Variants in SGIP1 observed in about 807,000 individuals in gnomAD.
SGIP1 encodes the protein SH3GL interacting endocytic adaptor 1.
A neutral mutation model predicts 107.5 loss-of-function variants in SGIP1; 38 were observed. The observed-to-expected ratio is 0.35, with a 90% confidence interval of 0.27 to 0.46. The LOEUF is 0.46. SGIP1 is among the 20% of genes least tolerant of loss of function. The probability of loss-of-function intolerance (pLI) is 1.00; values close to 1 mark genes in which losing one functional copy is unlikely to be tolerated. For synonymous variants in SGIP1, 365 were observed against 366.1 expected (o/e 1.00, Z 0.03); for missense variants, 929 against 1,019.5 (o/e 0.91, Z 1.21).
intron 1 of SGIP1, among the ~76,000 whole-genome samples, chr1:66,549,850 A>C (rs2057125718): frequency 6.6e-6 from 1 of 152,066 alleles, no homozygotes; most frequent in African/African-American, 2.4e-5. Context: ...CCATCTATAC[A>C]CTGACTCCCC....
chr1:66,583,067 T>A (rs1416736208), intron 1 of SGIP1, among the ~76,000 whole-genome samples: 1 of 152,108 alleles, frequency 6.6e-6, no homozygotes, highest in African/African-American at 2.4e-5. Flanking sequence ...AATTGATTGA[T>A]AAATATCTGA....
intron 1 of SGIP1, among the ~76,000 whole-genome samples, chr1:66,615,350 C>G (rs2069002040): frequency 6.6e-6 from 1 of 152,108 alleles, no homozygotes; most frequent in African/African-American, 2.4e-5. Context: ...CCAAACTGTT[C>G]TCGAACTCCT....
intron 4 of SGIP1, among the ~76,000 whole-genome samples, chr1:66,637,220 T>C (rs1020250708): frequency 3.9e-5 from 6 of 152,164 alleles, no homozygotes; most frequent in African/African-American, 1.4e-4. Flanking sequence ...AGTTTTCCAT[T>C]TGAAAATCAA....
chr1:66,619,849 T>C (rs749921031), intron 1 of SGIP1, among the ~76,000 whole-genome samples: 9 of 152,224 alleles, frequency 5.9e-5, no homozygotes, highest in Non-Finnish European at 1.2e-4. Flanking sequence ...AGAAACAGTC[T>C]TCATTTGTAT....
chr1:66,583,006 A>G (rs2062029012), intron 1 of SGIP1, among the ~76,000 whole-genome samples: 1 of 152,008 alleles, frequency 6.6e-6, no homozygotes, highest in Non-Finnish European at 1.5e-5. Flanking sequence ...TTTATTTCAC[A>G]CATATTTATA....
intron 1 of SGIP1, among the ~76,000 whole-genome samples, chr1:66,551,656 C>A (rs2057430237): frequency 6.6e-6 from 1 of 152,070 alleles, no homozygotes; most frequent in African/African-American, 2.4e-5. Flanking sequence ...TATTTATAGA[C>A]CTGAAATTGA....
intron 20 of SGIP1, among the ~76,000 whole-genome samples, chr1:66,733,473 C>T (rs6679379): frequency 0.27 from 40,679 of 151,956 alleles, 5,586 homozygotes; most frequent in South Asian, 0.31. Flanking sequence ...TTTAAAGCTC[C>T]CAATTATCAT....
At chr1:66,670,496 A>G (rs892028075) in intron 9 of SGIP1, among the ~76,000 whole-genome samples, 1 of 152,208 alleles carries the variant, frequency 6.6e-6, no homozygotes, top group Non-Finnish European at 1.5e-5. Context: ...AGATAGTTCA[A>G]GTTTCCCCTG....
chr1:66,714,040 C>A (rs557185982), intron 18 of SGIP1, among the ~76,000 whole-genome samples: 1 of 152,248 alleles, frequency 6.6e-6, no homozygotes, highest in African/African-American at 2.4e-5. Context: ...AGAACCAACT[C>A]TAATTCAACA....
intron 1 of SGIP1, among the ~76,000 whole-genome samples, chr1:66,553,674 C>T (rs981194284): frequency 2.1e-5 from 2 of 95,092 alleles, no homozygotes; most frequent in Admixed American, 1.2e-4. Context: ...AGACTCCAGT[C>T]AAAAAAAAAA....
In SGIP1 at chr1:66,749,467, T is replaced by C. The variant is rs1278426171; in HGVS notation, c.*6372T>C. Among the ~76,000 whole-genome samples, 1 of 151,822 alleles carries C rather than the reference T, an allele frequency of 6.6e-6. No homozygotes were observed. The highest frequency in any genetic ancestry group is 1.5e-5 in the Non-Finnish European group (1 of 67,882). On this transcript the variant is annotated 3_prime_UTR_variant, in exon 25 of 25. Coordinates refer to ENST00000371037, the MANE Select transcript of SGIP1 (RefSeq NM_032291.4). Reference sequence around the variant, plus strand: ...GTTTTTTTTTTGCTGTTTTTTTTTCTTTTTTTGCTTTGCTTTACTTTGCCA... The same window carrying C: ...GTTTTTTTTTTGCTGTTTTTTTTTCCTTTTTTGCTTTGCTTTACTTTGCCA...
At chr1:66,692,836 A>G (rs1192086835) in intron 17 of SGIP1, among the ~76,000 whole-genome samples, 1 of 152,190 alleles carries the variant, frequency 6.6e-6, no homozygotes, top group East Asian at 1.9e-4. Flanking sequence ...CCCCTAAATG[A>G]CTTTGGATAT....
chr1:66,615,057 G>A (rs184522536), intron 1 of SGIP1, among the ~76,000 whole-genome samples: 148 of 152,122 alleles, frequency 9.7e-4, no homozygotes, highest in Non-Finnish European at 1.8e-3. Context: ...CTGACCTCAG[G>A]TGATCCACCC....
chr1:66,550,229 AT>A (rs1413595923), intron 1 of SGIP1, among the ~76,000 whole-genome samples: 1 of 151,982 alleles, frequency 6.6e-6, no homozygotes, highest in Non-Finnish European at 1.5e-5. Flanking sequence ...TTTATTTTTT[AT>A]TTTTTATATT....
At chr1:66,714,671 A>G (rs1572164985) in intron 18 of SGIP1, among the ~76,000 whole-genome samples, 1 of 152,248 alleles carries the variant, frequency 6.6e-6, no homozygotes, top group Non-Finnish European at 1.5e-5. Flanking sequence ...ATCTTAAAAC[A>G]CAGACATTAT....
intron 7 of SGIP1, among the ~76,000 whole-genome samples, chr1:66,658,557 A>G (rs2080246547): frequency 6.6e-6 from 1 of 152,198 alleles, no homozygotes; most frequent in African/African-American, 2.4e-5. Context: ...TGCTTCAAAC[A>G]TTTGTATAAT....
intron 15 of SGIP1, among the ~76,000 whole-genome samples, chr1:66,684,421 G>C (rs1014929710): frequency 3.9e-5 from 6 of 152,116 alleles, no homozygotes; most frequent in Non-Finnish European, 7.4e-5. Context: ...AGGTCTTTGA[G>C]GGGATACAAA....
chr1:66,713,447 A>G (rs983382751), intron 18 of SGIP1, among the ~76,000 whole-genome samples: 1 of 152,170 alleles, frequency 6.6e-6, no homozygotes, highest in East Asian at 1.9e-4. Context: ...TCCAGTGTAC[A>G]AAGAACATAA....
chr1:66,730,723 C>T (rs890834372), intron 20 of SGIP1, among the ~76,000 whole-genome samples: 1 of 152,180 alleles, frequency 6.6e-6, no homozygotes, highest in African/African-American at 2.4e-5. Flanking sequence ...GTTGTTTACC[C>T]TTGTCTGCCT....
Sources: allele counts gnomAD v4.1 joint callset (sites outside exome capture counted in the v4.1 genomes callset), GRCh38; gene constraint gnomAD v4.1.1; transcripts MANE v1.5; gene names NCBI Gene and HGNC (gene_info 2026-07-23, HGNC 2026-07-21).